Variants in DNAH3 observed in about 807,000 individuals in gnomAD.
DNAH3 encodes the protein dynein axonemal heavy chain 3.
Under a neutral mutation model 432.5 loss-of-function variants are expected in DNAH3, and 332 were observed. The observed-to-expected ratio is 0.77, with a 90% CI of 0.70 to 0.84. The LOEUF is 0.84. DNAH3 is among the 40% of genes least tolerant of loss of function. The pLI, the probability that DNAH3 is intolerant of heterozygous loss-of-function variation, is 0.00. For synonymous variants in DNAH3, 1,956 were observed against 1,900.2 expected (o/e 1.03, Z -0.76); for missense variants, 4,861 against 5,114.0 (o/e 0.95, Z 1.51).
At chr16:21,001,253 C>T (rs1342148878) in intron 42 of DNAH3, among the ~76,000 whole-genome samples, 1 of 152,202 alleles carries the variant, frequency 6.6e-6, no homozygotes, top group Non-Finnish European at 1.5e-5. Context: ...GGACAGGGCA[C>T]CTGACCTTGG....
chr16:20,955,106 G>C, intron 54 of DNAH3, 49 bp from the exon 55 acceptor site: 1 of 1,506,658 alleles, frequency 6.6e-7, no homozygotes, highest in African/African-American at 1.4e-5. Context: ...ATAAGTTATA[G>C]TGAAAAGCAA....
chr16:20,952,335 G>A (rs1199867564), intron 56 of DNAH3, 98 bp downstream of exon 56: 8 of 746,684 alleles, frequency 1.1e-5, no homozygotes, highest in South Asian at 1.0e-4. Context: ...GGTGAGGGAG[G>A]GAGGGAGTAC....
chr16:21,135,514 G>A (rs967326659), intron 6 of DNAH3, among the ~76,000 whole-genome samples: 3 of 152,116 alleles, frequency 2.0e-5, no homozygotes, highest in African/African-American at 7.2e-5. Flanking sequence ...CCAACATGGC[G>A]AAACCTTGTC....
exon 52 of DNAH3, chr16:20,969,935 G>C: frequency 1.2e-6 from 2 of 1,614,172 alleles, no homozygotes; most frequent in Non-Finnish European, 8.5e-7. Context: ...GTCCAGAGCA[G>C]CTAGTGCAGC....
intron 37 of DNAH3, among the ~76,000 whole-genome samples, chr16:21,030,308 C>T (rs1010025388): frequency 6.6e-6 from 1 of 152,164 alleles, no homozygotes; most frequent in African/African-American, 2.4e-5. Context: ...TTGGAAATCA[C>T]CCACCACATA....
intron 9 of DNAH3, among the ~76,000 whole-genome samples, chr16:21,123,773 G>C (rs1037837219): frequency 2.0e-5 from 3 of 151,958 alleles, no homozygotes; most frequent in Non-Finnish European, 4.4e-5. Context: ...TGAAAACTAG[G>C]ACTTAGTGTT....
intron 7 of DNAH3, among the ~76,000 whole-genome samples, chr16:21,131,894 G>A (rs1022221537): frequency 7.5e-5 from 11 of 146,500 alleles, no homozygotes; most frequent in Admixed American, 1.4e-4. Flanking sequence ...AAGAAAGGAA[G>A]AGAGAAAGAA....
chr16:20,984,048 CAG>C (rs2086056685), intron 48 of DNAH3, among the ~76,000 whole-genome samples: 1 of 120,118 alleles, frequency 8.3e-6, no homozygotes, highest in Admixed American at 8.2e-5. Context: ...AAAAAAAAGA[CAG>C]AAAGGGCGAT....
At chr16:21,012,161 T>G (rs776359881) in intron 41 of DNAH3, among the ~76,000 whole-genome samples, 1 of 152,066 alleles carries the variant, frequency 6.6e-6, no homozygotes, top group Non-Finnish European at 1.5e-5. Flanking sequence ...ATAATTGAAG[T>G]TGTGGGTGGC....
chr16:21,098,759 A>T (rs2091761025), exon 17 of DNAH3: 1 of 1,606,574 alleles, frequency 6.2e-7, no homozygotes, highest in Admixed American at 1.8e-5. Flanking sequence ...CTCAACTCAA[A>T]TTCTGAGCAT....
chr16:21,112,173 G>A, intron 12 of DNAH3, 75 bp from the exon 13 acceptor site: 1 of 978,770 alleles, frequency 1.0e-6, no homozygotes, highest in Non-Finnish European at 1.6e-6. Context: ...AGTGGCAAAT[G>A]AAGACATAGT....
intron 53 of DNAH3, among the ~76,000 whole-genome samples, chr16:20,960,736 A>G (rs2084782486): frequency 6.6e-6 from 1 of 152,204 alleles, no homozygotes; most frequent in Non-Finnish European, 1.5e-5. Context: ...AAAGGCGGCC[A>G]AGGCCATTTG....
chr16:21,136,181 A>C, intron 6 of DNAH3, 143 bp downstream of exon 7: 1 of 739,562 alleles, frequency 1.4e-6, no homozygotes, highest in Non-Finnish European at 2.2e-6. Flanking sequence ...TGGGAGGCTA[A>C]GGAGGGAGGA....
At chr16:21,027,112 C>G in exon 38 of DNAH3, 3 of 1,613,624 alleles carry the variant, frequency 1.9e-6, no homozygotes, top group South Asian at 2.2e-5. Flanking sequence ...ATAATTTCCC[C>G]ACTCATGAGA....
chr16:20,990,284 T>C (rs975734401), intron 44 of DNAH3, among the ~76,000 whole-genome samples: 1 of 152,258 alleles, frequency 6.6e-6, no homozygotes, highest in Non-Finnish European at 1.5e-5. Flanking sequence ...CTGTCTAATC[T>C]ATCATCTATC....
At chr16:21,119,342 T>C (rs2092281908) in intron 11 of DNAH3, among the ~76,000 whole-genome samples, 1 of 152,062 alleles carries the variant, frequency 6.6e-6, no homozygotes, top group Non-Finnish European at 1.5e-5. Context: ...TCAAGAACAA[T>C]CGCATTCGGC....
intron 21 of DNAH3, among the ~76,000 whole-genome samples, chr16:21,073,364 G>A (rs1254690261): frequency 6.6e-6 from 1 of 152,050 alleles, no homozygotes; most frequent in Admixed American, 6.6e-5. Context: ...TACTCCTCTT[G>A]TCACCCCAAC....
intron 12 of DNAH3, among the ~76,000 whole-genome samples, chr16:21,113,456 A>AATTTAATTTT (rs1555563099): frequency 2.0e-5 from 3 of 151,228 alleles, no homozygotes; most frequent in Admixed American, 6.6e-5. Context: ...AGTTGTCTTT[A>AATTTAATTTT]ATTTTATTTT....
At chr16:21,068,255 T>C (rs1567733656) in intron 23 of DNAH3, among the ~76,000 whole-genome samples, 1 of 150,226 alleles carries the variant, frequency 6.7e-6, no homozygotes, top group African/African-American at 2.4e-5. Context: ...GAGGCCTTCC[T>C]TGACACGCTG....
Sources: gnomAD v4.1 joint callset for allele counts (sites outside exome capture counted in the v4.1 genomes callset) on GRCh38, gnomAD v4.1.1 for gene constraint, MANE v1.5 for transcripts, NCBI Gene and HGNC (gene_info 2026-07-23, HGNC 2026-07-21) for gene names.